Variants in GALNT13 observed in about 807,000 individuals in gnomAD.
GALNT13 encodes the protein polypeptide N-acetylgalactosaminyltransferase 13, also known as UDP-GalNAc:polypeptide N-acetylgalactosaminyltransferase 13.
In GALNT13, 28 loss-of-function variants were observed where a neutral mutation model predicts 64.2. The observed-to-expected ratio is 0.44, with a 90% CI of 0.32 to 0.60. GALNT13 has a LOEUF of 0.60. GALNT13 is among the 20% of genes least tolerant of loss of function. The pLI is 0.05. For missense variants in GALNT13, 577 were observed against 669.8 expected, an observed-to-expected ratio of 0.86 and a Z score of 1.53; for synonymous variants, 214 against 224.6, an observed-to-expected ratio of 0.95 and a Z score of 0.42.
chr2:153,944,685 G>A (rs1422173415), intron 3 of GALNT13, 46 bp downstream of exon 3: 1 of 1,498,054 alleles, frequency 6.7e-7, no homozygotes, highest in Non-Finnish European at 9.1e-7. Context: ...GATGAGAAAA[G>A]TGGTGCCTTG....
chr2:153,422,687 T>G, the GALNT13 span, among the ~76,000 whole-genome samples: 1 of 152,064 alleles, frequency 6.6e-6, no homozygotes, highest in Admixed American at 6.6e-5. Context: ...CACACAATCA[T>G]AAAATAACAT....
chr2:154,096,297 G>A (rs1702069862), intron 3 of GALNT13, among the ~76,000 whole-genome samples: 1 of 151,818 alleles, frequency 6.6e-6, no homozygotes, highest in Admixed American at 6.6e-5. Flanking sequence ...TCTGGCTCTG[G>A]GACATACCCA....
the GALNT13 span, among the ~76,000 whole-genome samples, chr2:153,303,188 C>T: frequency 6.6e-6 from 1 of 152,054 alleles, no homozygotes; most frequent in Non-Finnish European, 1.5e-5. Context: ...GATATCTTTC[C>T]ACTTACTTGC....
chr2:153,866,722 A>C, the GALNT13 span, among the ~76,000 whole-genome samples: 1 of 152,200 alleles, frequency 6.6e-6, no homozygotes, highest in Non-Finnish European at 1.5e-5. Context: ...TTTTAATGAG[A>C]TATTGCTTTC....
chr2:153,879,120 C>T (rs995303675), intron 1 of GALNT13, among the ~76,000 whole-genome samples: 1 of 152,164 alleles, frequency 6.6e-6, no homozygotes, highest in Non-Finnish European at 1.5e-5. Context: ...TAGTATATCA[C>T]TTAACAGATT....
chr2:154,050,782 T>C (rs531655487), intron 3 of GALNT13, among the ~76,000 whole-genome samples: 3 of 152,280 alleles, frequency 2.0e-5, no homozygotes, highest in South Asian at 4.1e-4. Context: ...TATTACCTTT[T>C]TCTACACACT....
chr2:153,405,586 G>A, the GALNT13 span, among the ~76,000 whole-genome samples: 1 of 152,134 alleles, frequency 6.6e-6, no homozygotes, highest in African/African-American at 2.4e-5. Context: ...ACCTCAGGGA[G>A]TTTAAATTCC....
intron 4 of GALNT13, among the ~76,000 whole-genome samples, chr2:154,240,407 C>T (rs1389900796): frequency 6.6e-6 from 1 of 152,190 alleles, no homozygotes; most frequent in Non-Finnish European, 1.5e-5. Flanking sequence ...GGACCAGCAG[C>T]CTCTAAATCA....
chr2:153,307,076 T>C, the GALNT13 span, among the ~76,000 whole-genome samples: 1,025 of 152,348 alleles, frequency 6.7e-3, 13 homozygotes, highest in African/African-American at 0.023. Flanking sequence ...AGGTACTTTT[T>C]TTCTATATAT....
chr2:153,599,326 G>A, the GALNT13 span, among the ~76,000 whole-genome samples: 1 of 151,922 alleles, frequency 6.6e-6, no homozygotes, highest in African/African-American at 2.4e-5. Context: ...AATGAAAACA[G>A]GTCTTATTTC....
At chr2:153,427,716 C>T in the GALNT13 span, among the ~76,000 whole-genome samples, 4 of 152,242 alleles carry the variant, frequency 2.6e-5, no homozygotes, top group East Asian at 7.7e-4. Flanking sequence ...TTAATTTATA[C>T]ACCAGCACAT....
intron 4 of GALNT13, among the ~76,000 whole-genome samples, chr2:154,162,647 TTTGTGTCTTATAA>T (rs1217297168): frequency 1.3e-5 from 2 of 152,324 alleles, no homozygotes; most frequent in Non-Finnish European, 2.9e-5. Flanking sequence ...ATATGCATTA[TTTGTGTCTTATAA>T]AGAACAGTGT....
the GALNT13 span, among the ~76,000 whole-genome samples, chr2:153,548,467 G>A: frequency 4.6e-5 from 7 of 152,114 alleles, no homozygotes; most frequent in East Asian, 1.9e-4. Flanking sequence ...TATACTTAAC[G>A]TGAGTAGTAG....
chr2:154,209,927 C>A (rs541614076), intron 4 of GALNT13, among the ~76,000 whole-genome samples: 1 of 152,258 alleles, frequency 6.6e-6, no homozygotes, highest in South Asian at 2.1e-4. Context: ...AGTCACCATG[C>A]TGTGCAACAG....
At chr2:153,765,430 C>A in the GALNT13 span, among the ~76,000 whole-genome samples, 2 of 152,298 alleles carry the variant, frequency 1.3e-5, no homozygotes, top group South Asian at 4.1e-4. Context: ...TGCATGGGAC[C>A]TGTAGCCCCT....
chr2:153,586,418 C>T, the GALNT13 span, among the ~76,000 whole-genome samples: 2 of 152,102 alleles, frequency 1.3e-5, no homozygotes, highest in East Asian at 1.9e-4. Flanking sequence ...ATAAAATCGA[C>T]TTTAAGTTAA....
the GALNT13 span, among the ~76,000 whole-genome samples, chr2:153,581,818 T>A: frequency 6.6e-6 from 1 of 152,144 alleles, no homozygotes; most frequent in East Asian, 1.9e-4. Context: ...CTCTGCTACT[T>A]CCTCTTTTTG....
chr2:153,697,483 T>C, the GALNT13 span, among the ~76,000 whole-genome samples: 1 of 152,206 alleles, frequency 6.6e-6, no homozygotes, highest in Non-Finnish European at 1.5e-5. Context: ...GTCACCTCCA[T>C]TGGCTGAGAA....
chr2:153,565,807 A>C, the GALNT13 span, among the ~76,000 whole-genome samples: 1 of 152,130 alleles, frequency 6.6e-6, no homozygotes, highest in Admixed American at 6.6e-5. Flanking sequence ...CCTCATGCAT[A>C]TATATGATCT....
Sources: allele counts gnomAD v4.1 joint callset (sites outside exome capture counted in the v4.1 genomes callset), GRCh38; gene constraint gnomAD v4.1.1; transcripts MANE v1.5; gene names NCBI Gene and HGNC (gene_info 2026-07-23, HGNC 2026-07-21).